Variants in RFX2 observed in about 807,000 individuals in gnomAD.
The protein encoded by RFX2 is DNA-binding protein RFX2.
Under a neutral mutation model 87.8 loss-of-function variants are expected in RFX2, and 20 were observed. The observed-to-expected ratio is 0.23, with a 90% CI of 0.16 to 0.33. The LOEUF (loss-of-function observed/expected upper bound fraction) is 0.33, where lower values mean the gene tolerates loss of function less well. Among genes scored for constraint, RFX2 ranks in the 10% least tolerant of loss-of-function variants. The pLI is 1.00. For missense variants in RFX2, 767 were observed against 1,012.3 expected (o/e 0.76, Z 3.29); for synonymous variants, 397 against 431.3 (o/e 0.92, Z 0.98).
chr19:6,082,493 C>T (rs2087799320), intron 1 of RFX2, among the ~76,000 whole-genome samples: 2 of 151,990 alleles, frequency 1.3e-5, no homozygotes, highest in South Asian at 2.1e-4. Context: ...AGTGCAGTGG[C>T]GCGATCACAG....
At chr19:6,107,631 A>AAAAAAAAAAT in intron 1 of RFX2, among the ~76,000 whole-genome samples, 1 of 150,378 alleles carries the variant, frequency 6.6e-6, no homozygotes, top group Non-Finnish European at 1.5e-5. Flanking sequence ...AAAAAAAAAA[A>AAAAAAAAAAT]AAAAAAAAAA....
At position 6,004,728 on chromosome 19, in the gene RFX2, C is replaced by CAA. The variant is rs530504836; in HGVS notation, c.1403-431_1403-430insTT. On this transcript the variant is annotated intron_variant, in intron 12 of 17. Coordinates refer to ENST00000303657, the MANE Select transcript of RFX2 (RefSeq NM_000635.4). The surrounding 1 kb of genome is among the most constrained non-coding windows in gnomAD (Gnocchi z 4.8). ...GCCTTGACACAAACACACACACACA[C>CAA]GTAAATACATTCTACCAACTTCCTA... is the stretch of plus-strand genomic sequence containing the variant. 1.4e-3 allele frequency among the ~76,000 whole-genome samples: 213 copies of CAA among 151,756 alleles called. 1 individual carries two copies. Among genetic ancestry groups the CAA allele is most frequent in the South Asian group, 4.6e-3 (22 of 4,816 alleles).
chr19:6,057,127 C>T (rs2087355543), intron 1 of RFX2: 1 of 152,244 alleles, frequency 6.6e-6, no homozygotes, highest in Non-Finnish European at 1.5e-5. Flanking sequence ...GCTCATTTGA[C>T]CTTGAACGAA....
At chr19:6,028,394 G>A (rs988771059) in intron 5 of RFX2, among the ~76,000 whole-genome samples, 1 of 152,162 alleles carries the variant, frequency 6.6e-6, no homozygotes, top group African/African-American at 2.4e-5. Context: ...TGGAAAAGGA[G>A]CACTGTTTTA....
At position 6,023,737 on chromosome 19, in the gene RFX2, C is replaced by T. The variant is rs2086850865; in HGVS notation, c.597+2426G>A. Among the ~76,000 whole-genome samples the T allele has an allele frequency of 6.6e-6, 1 of 152,078 alleles. No individual in the cohort carries two copies. Among genetic ancestry groups the T allele is most frequent in the Non-Finnish European group, 1.5e-5 (1 of 68,020 alleles). ...AAGTGTTAGAAAGCAGGAAGGATCC[C>T]AGCAGCCAGAGACAAGCGGCTCATG... On this transcript the variant is annotated intron_variant, in intron 6 of 17. Transcript: ENST00000303657. This position sits in a 1 kb window ranked among gnomAD's most constrained non-coding sequence, Gnocchi z 4.9.
rs2086835467 is a variant in RFX2 at position 6,022,843 on chromosome 19, G to C, written c.597+3320C>G. Among the ~76,000 whole-genome samples the C allele has an allele frequency of 6.6e-6, 1 of 152,202 alleles. No individual in the cohort carries two copies. The highest frequency in any genetic ancestry group is 6.5e-5 in the Admixed American group (1 of 15,292). On this transcript the variant is annotated intron_variant, in intron 6 of 17. Coordinates refer to ENST00000303657, the MANE Select transcript of RFX2 (RefSeq NM_000635.4). The surrounding 1 kb of genome is among the most constrained non-coding windows in gnomAD (Gnocchi z 6.2). ...AGCCCCTAGAGGGGAGGCCTGGGAA[G>C]CTCCTGTTGACCGGCTGGGTCTGGA... is the stretch of plus-strand genomic sequence containing the variant.
At chr19:6,058,051 G>T (rs1238748630) in intron 1 of RFX2, among the ~76,000 whole-genome samples, 1 of 152,178 alleles carries the variant, frequency 6.6e-6, no homozygotes, top group East Asian at 1.9e-4. Flanking sequence ...CTGGCACCAG[G>T]ATTACTCCCT....
rs200898749 is a variant in RFX2, at chr19:5,997,102, G to A, written c.1971C>T (p.Val657=). ...EYMFYLVEHR[V]AEATGETPIA... is the part of the protein sequence containing the mutation. ...TCGGCGTCTCTCCGGTGGCCTCCGC[G>A]ACGCGGTGCTCCACCAGGTAGAACA... The change falls in exon 16 of 18, where the codon GTC becomes GTT. Residue 657 remains valine, a synonymous_variant. Transcript: ENST00000303657. The surrounding 1 kb of genome is among the most constrained non-coding windows in gnomAD (Gnocchi z 4.2). 2.2e-5 allele frequency: 36 copies of A among 1,613,334 alleles called. No individual in the cohort carries two copies. Among genetic ancestry groups the A allele is most frequent in the African/African-American group, 9.3e-5 (7 of 75,068 alleles).
chr19:6,107,332 AG>A (rs910234473), intron 1 of RFX2, among the ~76,000 whole-genome samples: 1 of 147,858 alleles, frequency 6.8e-6, no homozygotes, highest in Non-Finnish European at 1.5e-5. Flanking sequence ...CCACAGGTGC[AG>A]GGGCCGGGTT....
At position 6,040,126 on chromosome 19, in the gene RFX2, C is replaced by T; in HGVS notation, c.376G>A (p.Ala126Thr). The T allele has an allele frequency of 1.9e-6, 3 of 1,610,054 alleles. No individual in the cohort carries two copies. The highest frequency in any genetic ancestry group is 2.5e-6 in the Non-Finnish European group (3 of 1,177,950). The change falls in exon 5 of 18, where the codon GCG (alanine) becomes ACG (threonine). Residue 126 changes from alanine to threonine, a missense_variant. By Grantham distance (58) the Ala-to-Thr change is moderately conservative (BLOSUM62 0). Coordinates refer to ENST00000303657, the MANE Select transcript of RFX2 (RefSeq NM_000635.4). This position sits in a 1 kb window ranked among gnomAD's most constrained non-coding sequence, Gnocchi z 6.1. ...QVTVAASSPP[A>T]VPSHSMVGIT... ...CCCACCATGCTGTGGGAGGGGACCGCTGGCGGGGACGAGGCTGCCACGGTC... is the reference window on the plus strand; with the variant it reads ...CCCACCATGCTGTGGGAGGGGACCGTTGGCGGGGACGAGGCTGCCACGGTC...
chr19:6,095,476 G>A (rs566007281), intron 1 of RFX2, among the ~76,000 whole-genome samples: 7 of 152,226 alleles, frequency 4.6e-5, no homozygotes, highest in Admixed American at 6.5e-5. Flanking sequence ...AATTCCTTAC[G>A]TGGCAAAAGG....
chr19:6,066,415 A>G (rs72991056), intron 1 of RFX2, among the ~76,000 whole-genome samples: 301 of 152,364 alleles, frequency 2.0e-3, no homozygotes, highest in Admixed American at 3.7e-3. Flanking sequence ...AAATGAAGGC[A>G]TCGTGCTGAA....
chr19:6,081,878 G>C (rs1368651695), intron 1 of RFX2, among the ~76,000 whole-genome samples: 2 of 152,208 alleles, frequency 1.3e-5, no homozygotes, highest in African/African-American at 4.8e-5. Flanking sequence ...ATGAGGTCAG[G>C]AGATCAAGAC....
At chr19:6,104,397 G>A (rs977258088) in intron 1 of RFX2, among the ~76,000 whole-genome samples, 11 of 146,602 alleles carry the variant, frequency 7.5e-5, no homozygotes, top group Admixed American at 1.3e-4. Context: ...GTGAAACCCC[G>A]TCTCTACTAA....
intron 1 of RFX2, among the ~76,000 whole-genome samples, chr19:6,055,732 T>C (rs1461982380): frequency 6.6e-6 from 1 of 152,206 alleles, no homozygotes; most frequent in Non-Finnish European, 1.5e-5. Context: ...ACCCAAATGT[T>C]CCTCATCAGG....
In RFX2 at chr19:6,017,217, C is replaced by T. The variant is rs1000309615; in HGVS notation, c.598-946G>A. On this transcript the variant is annotated intron_variant, in intron 6 of 17. Coordinates refer to ENST00000303657, the MANE Select transcript of RFX2 (RefSeq NM_000635.4). The surrounding 1 kb of genome is among the most constrained non-coding windows in gnomAD (Gnocchi z 4.1). ...CTGTACTCCAGCCTGGGCGACAGGG[C>T]AAGACTTCGTCTCTTTCAAAAAACG... Among the ~76,000 whole-genome samples the T allele has an allele frequency of 6.6e-6, 1 of 152,136 alleles. No individual in the cohort carries two copies. The highest frequency in any genetic ancestry group is 1.5e-5 in the Non-Finnish European group (1 of 68,018).
At position 5,998,523 on chromosome 19, in the gene RFX2, C is replaced by T. The variant is rs551397815; in HGVS notation, c.1860-1310G>A. Among the ~76,000 whole-genome samples the T allele has an allele frequency of 6.6e-6, 1 of 152,316 alleles. No individual in the cohort carries two copies. The highest frequency in any genetic ancestry group is 1.9e-4 in the East Asian group (1 of 5,194). The stretch of plus-strand genomic sequence containing the variant: ...ACAGGCTTGAGAAAGGCAAAGACAG[C>T]CGCACTATGAAGACCACCAAAGCTG... On this transcript the variant is annotated intron_variant, in intron 15 of 17. Transcript: ENST00000303657. The surrounding 1 kb of genome is among the most constrained non-coding windows in gnomAD (Gnocchi z 4.2).
chr19:6,094,465 C>T (rs1001955726), intron 1 of RFX2, among the ~76,000 whole-genome samples: 1 of 152,056 alleles, frequency 6.6e-6, no homozygotes, highest in Non-Finnish European at 1.5e-5. Flanking sequence ...TCAGGTGGAC[C>T]CACGCTACTC....
In RFX2 at chr19:6,076,556, G is replaced by A. The variant is rs544591868; in HGVS notation, c.-8-29052C>T. 1.1e-4 allele frequency among the ~76,000 whole-genome samples: 17 copies of A among 152,232 alleles called. 1 individual carries two copies. The highest frequency in any genetic ancestry group is 1.9e-4 in the East Asian group (1 of 5,174). On this transcript the variant is annotated intron_variant, in intron 1 of 17. Transcript: ENST00000303657. ...CACTTCCATTTCTTTGTCCATAAAC[G>A]GAGAAAATACTTCTATCTGTGTTGG...
Sources: allele counts gnomAD v4.1 joint callset (sites outside exome capture counted in the v4.1 genomes callset), GRCh38; gene constraint gnomAD v4.1.1; non-coding constraint Gnocchi (gnomAD v3.1); transcripts MANE v1.5; gene names NCBI Gene and HGNC (gene_info 2026-07-23, HGNC 2026-07-21).